The following NEDD4 variants were observed in gnomAD, a reference collection of about 807,000 sequenced individuals.
NEDD4 encodes E3 ubiquitin-protein ligase NEDD4.
NEDD4 carries 99 observed loss-of-function variants against 144.9 expected under a neutral mutation model. That is an observed-to-expected ratio of 0.68 (90% CI 0.58 to 0.81). The LOEUF (loss-of-function observed/expected upper bound fraction) is 0.81, where lower values mean the gene tolerates loss of function less well. NEDD4 is among the 30% of genes least tolerant of loss of function. The pLI, the probability that NEDD4 is intolerant of heterozygous loss-of-function variation, is 0.00. For synonymous variants in NEDD4, 318 were observed against 350.6 expected (o/e 0.91, Z 1.04); for missense variants, 985 against 1,065.9 (o/e 0.92, Z 1.06).
intron 18 of NEDD4, among the ~76,000 whole-genome samples, chr15:55,842,769 T>C (rs1392984166): frequency 6.6e-6 from 1 of 152,222 alleles, no homozygotes; most frequent in Non-Finnish European, 1.5e-5. Context: ...CACCGTTCTG[T>C]GACCTGTAGG....
chr15:55,851,806 C>T (rs1329002136), intron 13 of NEDD4, among the ~76,000 whole-genome samples: 4 of 152,012 alleles, frequency 2.6e-5, no homozygotes, highest in Admixed American at 1.3e-4. Context: ...AGATCCCAAT[C>T]GCCAAGATTA....
intron 5 of NEDD4, among the ~76,000 whole-genome samples, chr15:55,890,777 A>G (rs2035546310): frequency 6.6e-6 from 1 of 152,184 alleles, no homozygotes; most frequent in Non-Finnish European, 1.5e-5. Context: ...GCACTGTAAG[A>G]TTTCAATTCC....
chr15:55,887,177 A>C (rs2035421702), intron 5 of NEDD4, among the ~76,000 whole-genome samples: 1 of 152,152 alleles, frequency 6.6e-6, no homozygotes, highest in African/African-American at 2.4e-5. Context: ...AATTGAAATG[A>C]AGAAAATGAC....
chr15:55,942,084 T>G (rs1207715364), intron 4 of NEDD4, among the ~76,000 whole-genome samples: 2 of 152,166 alleles, frequency 1.3e-5, no homozygotes, highest in East Asian at 3.8e-4. Flanking sequence ...GTCTAGTTGT[T>G]GTATCAGTTA....
At chr15:55,893,005 A>G (rs2035621552) in intron 5 of NEDD4, among the ~76,000 whole-genome samples, 1 of 152,190 alleles carries the variant, frequency 6.6e-6, no homozygotes, top group Admixed American at 6.5e-5. Context: ...TTTTGCATAT[A>G]TATCTAAAAT....
chr15:55,896,518 C>T (rs1377932561), intron 5 of NEDD4, among the ~76,000 whole-genome samples: 1 of 152,118 alleles, frequency 6.6e-6, no homozygotes, highest in Non-Finnish European at 1.5e-5. Context: ...CCTGATGATA[C>T]TAAATTGCTA....
chr15:55,984,784 T>C (rs1279385530), intron 1 of NEDD4, among the ~76,000 whole-genome samples: 1 of 152,202 alleles, frequency 6.6e-6, no homozygotes, highest in Non-Finnish European at 1.5e-5. Context: ...CTCTTAAACT[T>C]TGATACTATT....
intron 11 of NEDD4, among the ~76,000 whole-genome samples, chr15:55,857,437 T>C (rs2034239340): frequency 6.6e-6 from 1 of 152,166 alleles, no homozygotes; most frequent in Non-Finnish European, 1.5e-5. Flanking sequence ...CAAGCAATTC[T>C]CTTGCCTCAG....
At chr15:55,915,199 G>T in intron 5 of NEDD4, 1 of 1,274,262 alleles carries the variant, frequency 7.8e-7, no homozygotes, top group Non-Finnish European at 1.1e-6. Context: ...ATGTAAAACT[G>T]CTTGGTTACA....
chr15:55,943,926 A>G (rs1180603182), intron 4 of NEDD4, among the ~76,000 whole-genome samples: 2 of 152,260 alleles, frequency 1.3e-5, no homozygotes, highest in Non-Finnish European at 2.9e-5. Flanking sequence ...GAGACACCCA[A>G]GGCCTTTCGG....
At chr15:55,978,806 G>A (rs1238773256) in intron 1 of NEDD4, among the ~76,000 whole-genome samples, 4 of 151,666 alleles carry the variant, frequency 2.6e-5, no homozygotes, top group African/African-American at 9.7e-5. Flanking sequence ...GTAATGTGAT[G>A]TAATGTGTTA....
At chr15:55,939,732 G>A (rs776903598) in intron 4 of NEDD4, among the ~76,000 whole-genome samples, 3 of 152,142 alleles carry the variant, frequency 2.0e-5, no homozygotes, top group Non-Finnish European at 4.4e-5. Flanking sequence ...TGGAATCCCT[G>A]CACATGTTGG....
At chr15:55,851,190 G>A (rs779081139) in intron 13 of NEDD4, among the ~76,000 whole-genome samples, 11 of 152,010 alleles carry the variant, frequency 7.2e-5, no homozygotes, top group Non-Finnish European at 1.2e-4. Context: ...TTCAAATGAT[G>A]GGCAGACAAA....
rs116071486 is a variant in NEDD4, at chr15:55,907,931, A to G, written c.291+16715T>C. The stretch of plus-strand genomic sequence containing the variant: ...ATATGTAGGCTATGAATCAGACTCC[A>G]CTGTGGAAACTAATCCTTGAGTCAC... On this transcript the variant is annotated intron_variant, in intron 5 of 28. Coordinates refer to ENST00000435532, the MANE Select transcript of NEDD4 (RefSeq NM_006154.4). Among the ~76,000 whole-genome samples the G allele has an allele frequency of 7.3e-3, 1,108 of 152,316 alleles. 14 individuals are homozygous for G. The highest frequency in any genetic ancestry group is 0.026 in the African/African-American group (1,068 of 41,564).
intron 4 of NEDD4, among the ~76,000 whole-genome samples, chr15:55,925,055 G>C (rs1239897040): frequency 6.6e-6 from 1 of 152,176 alleles, no homozygotes; most frequent in Non-Finnish European, 1.5e-5. Context: ...GCGACATAGA[G>C]AGACTCCATC....
intron 2 of NEDD4, 100 bp from the exon 3 acceptor site, chr15:55,951,689 T>G: frequency 1.2e-6 from 1 of 844,190 alleles, no homozygotes; most frequent in South Asian, 3.1e-5. Flanking sequence ...CCTTGTTAGT[T>G]ATATCTACAA....
intron 1 of NEDD4, among the ~76,000 whole-genome samples, chr15:55,982,811 CAACA>C (rs1435585666): frequency 6.6e-6 from 1 of 151,930 alleles, no homozygotes; most frequent in African/African-American, 2.4e-5. Flanking sequence ...AGTTCAATTC[CAACA>C]AACAGTCAGT....
intron 2 of NEDD4, among the ~76,000 whole-genome samples, chr15:55,958,691 T>C (rs972997339): frequency 3.3e-5 from 5 of 152,154 alleles, no homozygotes. Context: ...TTCAATTTCT[T>C]TCAATAATAA....
chr15:55,910,862 C>T (rs1273243562), intron 5 of NEDD4, among the ~76,000 whole-genome samples: 2 of 152,086 alleles, frequency 1.3e-5, no homozygotes, highest in Non-Finnish European at 2.9e-5. Flanking sequence ...ATCCATGAAA[C>T]CATGAAAAAT....
Sources: allele counts gnomAD v4.1 joint callset (sites outside exome capture counted in the v4.1 genomes callset), GRCh38; gene constraint gnomAD v4.1.1; transcripts MANE v1.5; gene names NCBI Gene and HGNC (gene_info 2026-07-23, HGNC 2026-07-21).